The following RARB variants were observed in gnomAD, a reference collection of about 807,000 sequenced individuals.
RARB encodes the protein retinoic acid receptor beta.
RARB carries 17 observed loss-of-function variants against 51.9 expected under a neutral mutation model. The observed-to-expected ratio is 0.33, with a 90% CI of 0.22 to 0.49. The LOEUF (loss-of-function observed/expected upper bound fraction) is 0.49, where lower values mean the gene tolerates loss of function less well. Among genes scored for constraint, RARB ranks in the 20% least tolerant of loss-of-function variants. The pLI is 0.99. For synonymous variants in RARB, 215 were observed against 195.4 expected, an observed-to-expected ratio of 1.10 and a Z score of -0.84; for missense variants, 369 against 550.8, an observed-to-expected ratio of 0.67 and a Z score of 3.30.
intron 5 of RARB, among the ~76,000 whole-genome samples, chr3:25,206,641 G>C (rs1161789443): frequency 6.6e-6 from 1 of 152,102 alleles, no homozygotes; most frequent in Non-Finnish European, 1.5e-5. Flanking sequence ...CAATTACAGA[G>C]TTAACAGTAT....
chr3:25,407,256 G>T (rs1707435822), intron 5 of RARB, among the ~76,000 whole-genome samples: 1 of 152,134 alleles, frequency 6.6e-6, no homozygotes, highest in South Asian at 2.1e-4. Flanking sequence ...AAACAGACGG[G>T]GGTACTAGGC....
At chr3:25,579,587 T>C (rs768613587) in intron 4 of RARB, among the ~76,000 whole-genome samples, 1 of 152,246 alleles carries the variant, frequency 6.6e-6, no homozygotes, top group Non-Finnish European at 1.5e-5. Context: ...TGCAAAGTTG[T>C]AATCACAATT....
At chr3:25,568,560 T>A (rs1327512247) in intron 3 of RARB, among the ~76,000 whole-genome samples, 1 of 152,036 alleles carries the variant, frequency 6.6e-6, no homozygotes, top group Non-Finnish European at 1.5e-5. Flanking sequence ...TCCTCTCTCC[T>A]CCTGCTATTG....
intron 3 of RARB, among the ~76,000 whole-genome samples, chr3:25,518,225 A>T (rs961374323): frequency 6.6e-6 from 1 of 152,216 alleles, no homozygotes; most frequent in Non-Finnish European, 1.5e-5. Flanking sequence ...TCAGATTCGT[A>T]TACTAAGTTG....
intron 5 of RARB, among the ~76,000 whole-genome samples, chr3:25,403,495 C>G (rs906586450): frequency 6.6e-5 from 10 of 152,156 alleles, no homozygotes; most frequent in African/African-American, 2.4e-4. Context: ...ATTTATGTTA[C>G]TTAGGCTAGA....
intron 5 of RARB, among the ~76,000 whole-genome samples, chr3:25,410,168 G>T (rs181333910): frequency 2.1e-4 from 32 of 152,288 alleles, no homozygotes; most frequent in Admixed American, 2.0e-3. Context: ...CAGAGTGTGG[G>T]TTAGTCTGTC....
At chr3:25,502,573 T>G (rs915291329) in intron 3 of RARB, among the ~76,000 whole-genome samples, 1 of 152,202 alleles carries the variant, frequency 6.6e-6, no homozygotes, top group East Asian at 1.9e-4. Flanking sequence ...GGTTTCAATG[T>G]TTCAGAGAAA....
chr3:25,580,786 G>A (rs1701144238), intron 5 of RARB, 64 bp downstream of exon 5: 2 of 1,465,520 alleles, frequency 1.4e-6, no homozygotes, highest in African/African-American at 2.8e-5. Context: ...GGAGGGGAGG[G>A]AGGGGACCAA....
chr3:25,380,691 T>G (rs1323424239), intron 5 of RARB, among the ~76,000 whole-genome samples: 1 of 152,194 alleles, frequency 6.6e-6, no homozygotes, highest in Non-Finnish European at 1.5e-5. Context: ...ATTCTAAAGA[T>G]GAAGAAGAAT....
intron 2 of RARB, among the ~76,000 whole-genome samples, chr3:24,973,630 T>C (rs1467106326): frequency 6.6e-6 from 1 of 152,090 alleles, no homozygotes; most frequent in African/African-American, 2.4e-5. Flanking sequence ...TCAATGTCTT[T>C]GAAGTGTTTT....
intron 2 of RARB, among the ~76,000 whole-genome samples, chr3:24,907,375 A>G (rs1397685286): frequency 6.6e-6 from 1 of 152,222 alleles, no homozygotes; most frequent in East Asian, 1.9e-4. Context: ...GGCCACACTT[A>G]GTATCGCTGG....
chr3:25,044,329 G>T (rs1698171994), intron 2 of RARB, among the ~76,000 whole-genome samples: 1 of 152,158 alleles, frequency 6.6e-6, no homozygotes, highest in Non-Finnish European at 1.5e-5. Flanking sequence ...TTTTTAAAAT[G>T]ACAGGCAGGA....
chr3:24,962,150 C>T (rs138014187), intron 2 of RARB, among the ~76,000 whole-genome samples: 56 of 151,874 alleles, frequency 3.7e-4, no homozygotes, highest in Non-Finnish European at 6.8e-4. Context: ...AGGATAGTCT[C>T]GATCTCCTGA....
intron 2 of RARB, among the ~76,000 whole-genome samples, chr3:24,909,844 T>C (rs1575066778): frequency 6.6e-6 from 1 of 152,190 alleles, no homozygotes; most frequent in East Asian, 1.9e-4. Flanking sequence ...AGAATTTTAA[T>C]GTTTGTATGC....
At chr3:24,836,775 T>G (rs1338745780) in intron 1 of RARB, among the ~76,000 whole-genome samples, 5 of 152,208 alleles carry the variant, frequency 3.3e-5, no homozygotes, top group Non-Finnish European at 7.4e-5. Context: ...ATTTACCGTT[T>G]TAATGAAGAT....
At chr3:25,092,309 C>T (rs1317507978) in intron 3 of RARB, among the ~76,000 whole-genome samples, 2 of 152,114 alleles carry the variant, frequency 1.3e-5, no homozygotes, top group African/African-American at 4.8e-5. Flanking sequence ...ACTCAAAATG[C>T]CTTTTTCTCT....
At chr3:25,294,902 T>G (rs1468410547) in intron 5 of RARB, among the ~76,000 whole-genome samples, 1 of 152,184 alleles carries the variant, frequency 6.6e-6, no homozygotes, top group Non-Finnish European at 1.5e-5. Context: ...CTCTGGTCTT[T>G]ATCACAGGGT....
chr3:25,282,345 T>G (rs190541347), intron 5 of RARB, among the ~76,000 whole-genome samples: 2 of 152,234 alleles, frequency 1.3e-5, no homozygotes, highest in African/African-American at 4.8e-5. Flanking sequence ...CATGGCTTAC[T>G]CTTGAATGTT....
chr3:25,061,024 T>C (rs187782593), intron 3 of RARB, among the ~76,000 whole-genome samples: 1 of 151,956 alleles, frequency 6.6e-6, no homozygotes, highest in Non-Finnish European at 1.5e-5. Context: ...CCCCTTAAAA[T>C]TCATGTTTCA....
Sources: gnomAD v4.1 joint callset for allele counts (sites outside exome capture counted in the v4.1 genomes callset) on GRCh38, gnomAD v4.1.1 for gene constraint, MANE v1.5 for transcripts, NCBI Gene and HGNC (gene_info 2026-07-23, HGNC 2026-07-21) for gene names.